The following LINGO2 variants were observed in gnomAD, a reference collection of about 807,000 sequenced individuals.
LINGO2 encodes leucine-rich repeat and immunoglobulin-like domain-containing nogo receptor-interacting protein 2.
A neutral mutation model predicts 30.6 loss-of-function variants in LINGO2; 14 were observed. The observed-to-expected ratio is 0.46, with a 90% CI of 0.30 to 0.72. LINGO2 has a LOEUF of 0.72. LINGO2 is among the 30% of genes least tolerant of loss of function. The pLI, the probability that LINGO2 is intolerant of heterozygous loss-of-function variation, is 0.07. For missense variants in LINGO2, 729 were observed against 751.7 expected (o/e 0.97, Z 0.35); for synonymous variants, 317 against 288.5 (o/e 1.10, Z -1.00).
chr9:28,023,641 T>C (rs977612076), intron 4 of LINGO2, among the ~76,000 whole-genome samples: 2 of 152,186 alleles, frequency 1.3e-5, no homozygotes, highest in African/African-American at 2.4e-5. Flanking sequence ...GTCAGAGAAA[T>C]ATATCTTTCT....
rs181075033 is a variant in LINGO2 at position 28,005,422 on chromosome 9, G to A, written c.-36+6933C>T. 2.6e-5 allele frequency among the ~76,000 whole-genome samples: 4 copies of A among 152,148 alleles called. No individual in the cohort carries two copies. The East Asian group carries it at 5.8e-4, about 22-fold the overall frequency. ...ACAGGATTAAAAAACTTTTCTCAGG[G>A]CCTCATTTTATTCTTTCCCTTTCCC... is the stretch of plus-strand genomic sequence containing the variant. On this transcript the variant is annotated intron_variant, in intron 5 of 5. Transcript: ENST00000379992.
chr9:28,312,606 C>CA (rs1274317968), intron 3 of LINGO2, among the ~76,000 whole-genome samples: 6 of 152,030 alleles, frequency 3.9e-5, no homozygotes, highest in Admixed American at 2.0e-4. Context: ...GTAGTATTTA[C>CA]AAAATCATTA....
intron 1 of LINGO2, among the ~76,000 whole-genome samples, chr9:28,529,061 A>G (rs753247135): frequency 1.8e-4 from 27 of 152,120 alleles, no homozygotes; most frequent in Non-Finnish European, 3.7e-4. Context: ...TAGTTTTAGA[A>G]AGTCCTTCAT....
chr9:28,769,361 T>C, the LINGO2 span, among the ~76,000 whole-genome samples: 1 of 148,842 alleles, frequency 6.7e-6, no homozygotes, highest in East Asian at 2.0e-4. Context: ...ATATTTTTAA[T>C]GTTCTTTATG....
chr9:28,202,589 A>T (rs1176408904), intron 4 of LINGO2, among the ~76,000 whole-genome samples: 1 of 152,144 alleles, frequency 6.6e-6, no homozygotes, highest in Non-Finnish European at 1.5e-5. Flanking sequence ...ATTTGCACTA[A>T]CATTTCCTTT....
chr9:28,032,278 A>C (rs909940052), intron 4 of LINGO2, among the ~76,000 whole-genome samples: 1 of 151,988 alleles, frequency 6.6e-6, no homozygotes, highest in African/African-American at 2.4e-5. Flanking sequence ...TGGTTTGAGG[A>C]AGCATTTGTT....
chr9:29,086,781 T>C, the LINGO2 span, among the ~76,000 whole-genome samples: 1 of 152,200 alleles, frequency 6.6e-6, no homozygotes, highest in African/African-American at 2.4e-5. Context: ...GTGCGCTCTA[T>C]ATGCTAAATC....
intron 1 of LINGO2, among the ~76,000 whole-genome samples, chr9:28,555,058 T>C (rs1044275849): frequency 1.4e-5 from 2 of 138,292 alleles, no homozygotes; most frequent in Non-Finnish European, 3.0e-5. Context: ...GGATCCAAAA[T>C]TGACACCCTA....
chr9:28,646,006 G>T (rs1827824850), intron 1 of LINGO2, among the ~76,000 whole-genome samples: 2 of 152,082 alleles, frequency 1.3e-5, no homozygotes, highest in South Asian at 4.1e-4. Context: ...AATTCAAAAT[G>T]ATTTTAATAA....
chr9:29,010,155 G>A, the LINGO2 span, among the ~76,000 whole-genome samples: 27 of 152,022 alleles, frequency 1.8e-4, no homozygotes, highest in African/African-American at 5.8e-4. Context: ...CAAAAGCAAT[G>A]GCAACAAAAG....
intron 2 of LINGO2, among the ~76,000 whole-genome samples, chr9:28,412,240 T>C (rs1408508521): frequency 6.7e-6 from 1 of 148,816 alleles, no homozygotes. Flanking sequence ...AGCAGTTTAG[T>C]GGTGGGGTGG....
At chr9:29,134,563 T>C in the LINGO2 span, among the ~76,000 whole-genome samples, 2 of 152,034 alleles carry the variant, frequency 1.3e-5, no homozygotes, top group Non-Finnish European at 2.9e-5. Flanking sequence ...GATGAGTGGA[T>C]AGAAAGACCA....
chr9:28,040,194 T>A (rs1587747254), intron 4 of LINGO2, among the ~76,000 whole-genome samples: 1 of 152,200 alleles, frequency 6.6e-6, no homozygotes, highest in Admixed American at 6.5e-5. Context: ...ACAGATTGAT[T>A]CATTAGAAGC....
chr9:28,312,935 C>T (rs144843474), intron 3 of LINGO2, among the ~76,000 whole-genome samples: 105 of 152,222 alleles, frequency 6.9e-4, no homozygotes, highest in African/African-American at 1.8e-3. Flanking sequence ...TTATTTATTA[C>T]ATTAAATGTC....
intron 4 of LINGO2, among the ~76,000 whole-genome samples, chr9:28,208,499 A>G (rs948411798): frequency 3.3e-5 from 5 of 152,074 alleles, no homozygotes; most frequent in African/African-American, 1.2e-4. Context: ...GGCAGGAGGT[A>G]AAGAGGAGAA....
At position 28,601,866 on chromosome 9, in the gene LINGO2, T is replaced by C. The variant is rs147548127; in HGVS notation, c.-365+68334A>G. Among the ~76,000 whole-genome samples, 18 of 152,174 alleles carry C rather than the reference T, an allele frequency of 1.2e-4. 1 individual carries two copies. The highest frequency in any genetic ancestry group is 2.5e-4 in the Non-Finnish European group (17 of 67,960). On this transcript the variant is annotated intron_variant, in intron 1 of 5. Coordinates refer to ENST00000379992, the Ensembl canonical transcript of LINGO2. ...AAATGAAAAAATCTAGAATGTGTTA[T>C]ATAAAGCTAGTGAAAAAAGGCAGAT...
chr9:29,051,004 C>T, the LINGO2 span, among the ~76,000 whole-genome samples: 6 of 152,142 alleles, frequency 3.9e-5, no homozygotes, highest in East Asian at 5.8e-4. Flanking sequence ...TTAAAATATA[C>T]ATTTTTAGGC....
intron 4 of LINGO2, among the ~76,000 whole-genome samples, chr9:28,228,607 T>C (rs1350839698): frequency 2.0e-5 from 3 of 151,932 alleles, no homozygotes; most frequent in African/African-American, 4.8e-5. Context: ...TTAAAAGTAA[T>C]ATTTGAATAT....
chr9:29,148,571 A>C, the LINGO2 span, among the ~76,000 whole-genome samples: 2 of 152,166 alleles, frequency 1.3e-5, no homozygotes, highest in Admixed American at 1.3e-4. Context: ...CAATCATTTT[A>C]CAGCAAATAT....
Sources: gnomAD v4.1 joint callset for allele counts (sites outside exome capture counted in the v4.1 genomes callset) on GRCh38, gnomAD v4.1.1 for gene constraint, MANE v1.5 for transcripts, NCBI Gene and HGNC (gene_info 2026-07-23, HGNC 2026-07-21) for gene names.